The following CERS6 variants were observed in gnomAD, a reference collection of about 807,000 sequenced individuals.
CERS6 encodes the protein ceramide synthase 6.
A neutral mutation model predicts 56.8 loss-of-function variants in CERS6; 26 were observed. The observed-to-expected ratio is 0.46, with a 90% CI of 0.34 to 0.63. The LOEUF is 0.63. Among genes scored for constraint, CERS6 ranks in the 30% least tolerant of loss-of-function variants. The pLI, the probability that CERS6 is intolerant of heterozygous loss-of-function variation, is 0.01. For synonymous variants in CERS6, 164 were observed against 173.3 expected, an observed-to-expected ratio of 0.95 and a Z score of 0.42; for missense variants, 415 against 467.5, an observed-to-expected ratio of 0.89 and a Z score of 1.04.
intron 3 of CERS6, among the ~76,000 whole-genome samples, chr2:168,579,369 C>G (rs1327749205): frequency 6.6e-6 from 1 of 151,990 alleles, no homozygotes; most frequent in Non-Finnish European, 1.5e-5. Context: ...TTGGGGCTTT[C>G]AAATTAGAGA....
chr2:168,741,926 A>G (rs547403531), intron 8 of CERS6, among the ~76,000 whole-genome samples: 10 of 152,334 alleles, frequency 6.6e-5, no homozygotes, highest in South Asian at 2.1e-4. Flanking sequence ...TATAGTATTC[A>G]TTTCAAAAAA....
intron 1 of CERS6, among the ~76,000 whole-genome samples, chr2:168,542,948 T>C (rs1338183114): frequency 6.6e-6 from 1 of 152,112 alleles, no homozygotes; most frequent in Admixed American, 6.5e-5. Flanking sequence ...CTGCCTGCCT[T>C]AGCCTCCCAA....
chr2:168,744,375 T>A (rs1684034684), intron 8 of CERS6, among the ~76,000 whole-genome samples: 1 of 151,680 alleles, frequency 6.6e-6, no homozygotes, highest in Non-Finnish European at 1.5e-5. Flanking sequence ...GTACACCTTT[T>A]TTTTTTCAGG....
At chr2:168,514,788 A>C (rs528841022) in intron 1 of CERS6, among the ~76,000 whole-genome samples, 1 of 152,316 alleles carries the variant, frequency 6.6e-6, no homozygotes, top group South Asian at 2.1e-4. Context: ...TTCTTTGGTG[A>C]AGATAGAGAA....
At chr2:168,514,289 A>G (rs1449071626) in intron 1 of CERS6, among the ~76,000 whole-genome samples, 9 of 152,186 alleles carry the variant, frequency 5.9e-5, no homozygotes, top group African/African-American at 2.2e-4. Context: ...CTGCTCCCTC[A>G]TGCCAGCCCC....
intron 2 of CERS6, among the ~76,000 whole-genome samples, chr2:168,560,444 T>C (rs1695766845): frequency 6.6e-6 from 1 of 152,222 alleles, no homozygotes; most frequent in Admixed American, 6.5e-5. Flanking sequence ...ATGAGGAAAC[T>C]GAGGCTCAGA....
intron 6 of CERS6, among the ~76,000 whole-genome samples, chr2:168,704,577 ACT>A: frequency 6.6e-6 from 1 of 151,088 alleles, no homozygotes; most frequent in African/African-American, 2.4e-5. Flanking sequence ...CACCCCTTCC[ACT>A]CAAGGCTCAC....
intron 8 of CERS6, among the ~76,000 whole-genome samples, chr2:168,751,523 G>C (rs1288186836): frequency 6.6e-6 from 1 of 152,116 alleles, no homozygotes; most frequent in South Asian, 2.1e-4. Flanking sequence ...TCACTGAGCA[G>C]TATTTTTTTT....
intron 8 of CERS6, among the ~76,000 whole-genome samples, chr2:168,742,041 A>C (rs1683925776): frequency 6.6e-6 from 1 of 152,170 alleles, no homozygotes; most frequent in Non-Finnish European, 1.5e-5. Flanking sequence ...TGTTTGTCTT[A>C]CTCTGCAGAG....
intron 4 of CERS6, among the ~76,000 whole-genome samples, chr2:168,671,271 A>G (rs944273060): frequency 3.9e-5 from 6 of 152,078 alleles, no homozygotes; most frequent in African/African-American, 7.2e-5. Flanking sequence ...GGCCACATGC[A>G]TATTCTTGAA....
chr2:168,647,362 T>C (rs1327974526), intron 4 of CERS6, among the ~76,000 whole-genome samples: 1 of 152,232 alleles, frequency 6.6e-6, no homozygotes. Flanking sequence ...ATTTTTGTCA[T>C]TGATTTTGTA....
At chr2:168,546,003 G>T (rs550260527) in intron 1 of CERS6, among the ~76,000 whole-genome samples, 2 of 152,280 alleles carry the variant, frequency 1.3e-5, no homozygotes, top group South Asian at 2.1e-4. Context: ...CTTACTGTTT[G>T]CTTTTGCTGG....
chr2:168,624,223 G>A (rs187792772), intron 3 of CERS6, among the ~76,000 whole-genome samples: 2 of 152,252 alleles, frequency 1.3e-5, no homozygotes, highest in Admixed American at 1.3e-4. Context: ...GAAATGAAGA[G>A]TAAACAAAGT....
intron 3 of CERS6, among the ~76,000 whole-genome samples, chr2:168,606,072 T>C (rs1316536000): frequency 6.6e-6 from 1 of 152,186 alleles, no homozygotes; most frequent in Non-Finnish European, 1.5e-5. Flanking sequence ...CTGGAAAAGC[T>C]GCAGTGCTCA....
intron 8 of CERS6, among the ~76,000 whole-genome samples, chr2:168,731,039 C>G (rs1683517928): frequency 6.6e-6 from 1 of 152,090 alleles, no homozygotes; most frequent in South Asian, 2.1e-4. Flanking sequence ...CTTTTAAATT[C>G]TGAGAGATAC....
chr2:168,498,375 T>A lies in CERS6; in HGVS notation c.170+41757T>A, dbSNP rs868248170. ...TAAATTTGGAAAGGAGGGCTTTATT[T>A]CTAAAAGAGGGTACCACAACCTGCA... On this transcript the variant is annotated intron_variant, in intron 1 of 9. Coordinates refer to ENST00000305747, the MANE Select transcript of CERS6 (RefSeq NM_203463.3). Among the ~76,000 whole-genome samples the A allele has an allele frequency of 1.6e-4, 25 of 152,230 alleles. No homozygotes were observed. In the Middle Eastern group the frequency reaches 0.01, roughly 62 times the overall value.
rs1311781818 is a variant in CERS6 at position 168,735,513 on chromosome 2, G to A, written c.845+17535G>A. 3.3e-5 allele frequency among the ~76,000 whole-genome samples: 5 copies of A among 152,140 alleles called. No homozygotes were observed. The East Asian group carries it at 9.7e-4, about 29-fold the overall frequency. On this transcript the variant is annotated intron_variant, in intron 8 of 9. Coordinates refer to ENST00000305747, the MANE Select transcript of CERS6 (RefSeq NM_203463.3). The stretch of plus-strand genomic sequence containing the variant: ...TCAGGGCTCTATGAGTGTGATCCTT[G>A]GACATGAAACAGTTTCCGAGTACAG...
rs1559027893 is a variant in CERS6, at chr2:168,631,169, GTGCATTTTCATT to G, written c.465+130_465+141del. ...ATATCAGGCTTCCTAAGAATTATTT[GTGCATTTTCATT>G]TGACTTACAAAAATATTTCGGATGT... On this transcript the variant is annotated intron_variant, in intron 4 of 9. Transcript: ENST00000305747. The G allele has an allele frequency of 3.4e-5, 17 of 498,384 alleles. No individual in the cohort carries two copies. The South Asian group carries it at 6.8e-4, about 20-fold the overall frequency. The allele number at this position is 498,384 out of a possible 1,614,324, so 30.9% of individuals were successfully genotyped here.
intron 3 of CERS6, among the ~76,000 whole-genome samples, chr2:168,622,525 C>A (rs1313645735): frequency 1.3e-5 from 2 of 152,180 alleles, no homozygotes; most frequent in African/African-American, 4.8e-5. Context: ...CATTCCTTTG[C>A]AAATCATCAG....
Sources: gnomAD v4.1 joint callset for allele counts (sites outside exome capture counted in the v4.1 genomes callset) on GRCh38, gnomAD v4.1.1 for gene constraint, MANE v1.5 for transcripts, NCBI Gene and HGNC (gene_info 2026-07-23, HGNC 2026-07-21) for gene names.